PTPN13: variants seen among roughly 807,000 people sequenced by gnomAD.
PTPN13 encodes protein tyrosine phosphatase non-receptor type 13.
A neutral mutation model predicts 284.0 loss-of-function variants in PTPN13; 191 were observed. The ratio of observed to expected loss-of-function variants is 0.67; its 90% CI spans 0.60 to 0.76. PTPN13 has a LOEUF of 0.76. Among genes scored for constraint, PTPN13 ranks in the 30% least tolerant of loss-of-function variants. The pLI is 0.00. For synonymous variants in PTPN13, 986 were observed against 1,022.3 expected, an observed-to-expected ratio of 0.96 and a Z score of 0.68; for missense variants, 2,797 against 2,939.9, an observed-to-expected ratio of 0.95 and a Z score of 1.12.
At chr4:86,779,373 C>T (rs1392333183) in intron 35 of PTPN13, among the ~76,000 whole-genome samples, 1 of 150,548 alleles carries the variant, frequency 6.6e-6, no homozygotes, top group Non-Finnish European at 1.5e-5. Context: ...GCCGAGATAG[C>T]GCCACTGCAC....
intron 1 of PTPN13, among the ~76,000 whole-genome samples, chr4:86,608,419 T>C (rs2149184770): frequency 6.6e-6 from 1 of 152,266 alleles, no homozygotes; most frequent in Admixed American, 6.5e-5. Flanking sequence ...TGAGGCTCTG[T>C]TGCTGCTTTA....
intron 44 of PTPN13, among the ~76,000 whole-genome samples, chr4:86,806,609 A>C (rs1243201382): frequency 6.6e-6 from 1 of 152,188 alleles, no homozygotes; most frequent in Non-Finnish European, 1.5e-5. Flanking sequence ...CAAAATCAGA[A>C]TAGGACAAGC....
At chr4:86,806,558 T>C (rs1338366070) in intron 44 of PTPN13, among the ~76,000 whole-genome samples, 2 of 152,170 alleles carry the variant, frequency 1.3e-5, no homozygotes, top group African/African-American at 4.8e-5. Context: ...ATAAAGTATA[T>C]GGGAGTTATT....
intron 40 of PTPN13, among the ~76,000 whole-genome samples, chr4:86,789,074 G>A (rs554156811): frequency 1.3e-5 from 2 of 152,198 alleles, no homozygotes; most frequent in Non-Finnish European, 2.9e-5. Context: ...GATGAGCCTG[G>A]AACATTCAGG....
chr4:86,793,912 TGAC>T (rs988931927), intron 40 of PTPN13, among the ~76,000 whole-genome samples: 1 of 129,360 alleles, frequency 7.7e-6, no homozygotes, highest in African/African-American at 2.9e-5. Context: ...GGAAAGATCT[TGAC>T]AGCCTAACAT....
intron 1 of PTPN13, among the ~76,000 whole-genome samples, chr4:86,631,917 C>T (rs1388254167): frequency 6.6e-6 from 1 of 152,008 alleles, no homozygotes. Context: ...CCTAGTCTGT[C>T]TCTTGTGCTC....
intron 1 of PTPN13, among the ~76,000 whole-genome samples, chr4:86,630,098 AT>A (rs946535893): frequency 5.3e-5 from 8 of 152,078 alleles, no homozygotes; most frequent in South Asian, 2.1e-4. Context: ...CAATTTAATT[AT>A]TTTTTCTATT....
In PTPN13 at chr4:86,741,711, G is replaced by T. The variant is rs966131358; in HGVS notation, c.2382G>T (p.Leu794Phe). 1.3e-5 allele frequency: 21 copies of T among 1,613,534 alleles called. No individual in the cohort carries two copies. The highest frequency in any genetic ancestry group is 1.6e-5 in the Non-Finnish European group (19 of 1,179,756). Reference sequence around the variant, plus strand: ...AGAAGAAGTCACAAACAGGAATATTGCTTGGAGTCTGTTCTAAAGGTGTCC... The same window carrying T: ...AGAAGAAGTCACAAACAGGAATATTTCTTGGAGTCTGTTCTAAAGGTGTCC... ...HPEKKSQTGILLGVCSKGVLV... is the reference protein window; with the variant it reads ...HPEKKSQTGIFLGVCSKGVLV... Residue 794 changes from leucine to phenylalanine, a missense_variant, in exon 16 of 48, where the codon TTG (leucine) becomes TTT (phenylalanine). Physicochemically the swap from Leu to Phe is conservative, Grantham distance 22 (BLOSUM62 0). Coordinates refer to ENST00000411767, the MANE Select transcript of PTPN13 (RefSeq NM_080683.3).
chr4:86,623,178 G>T (rs759533400), intron 1 of PTPN13, among the ~76,000 whole-genome samples: 7 of 152,236 alleles, frequency 4.6e-5, no homozygotes, highest in South Asian at 2.1e-4. Flanking sequence ...GGGTCTGCTG[G>T]TGTAAGTCAT....
rs764669231 is a variant in PTPN13 at position 86,762,933 on chromosome 4, G to A, written c.3760G>A (p.Ala1254Thr). ...TTCTCAAGATTCCAGGACTGAGAGT[G>A]CCAGCTTGTCTCAAAGCCAGGTCAA... is the stretch of plus-strand genomic sequence containing the variant. Reference protein sequence around the residue: ...LSSQDSRTESASLSQSQVNGF... With the variant: ...LSSQDSRTESTSLSQSQVNGF... The change falls in exon 24 of 48, where the codon GCC becomes ACC. Residue 1254 changes from alanine (A) to threonine (T), a missense_variant. Coordinates refer to ENST00000411767, the MANE Select transcript of PTPN13 (RefSeq NM_080683.3). 7 of 1,613,844 alleles carry A rather than the reference G, an allele frequency of 4.3e-6. No individual in the cohort carries two copies. Among genetic ancestry groups the A allele is most frequent in the Non-Finnish European group, 5.9e-6 (7 of 1,179,838 alleles).
chr4:86,658,787 A>G (rs1726140745), intron 2 of PTPN13, among the ~76,000 whole-genome samples: 2 of 152,196 alleles, frequency 1.3e-5, no homozygotes, highest in South Asian at 4.1e-4. Flanking sequence ...TTCAAATTCT[A>G]GAAGCTTAAG....
At chr4:86,666,453 G>C in intron 2 of PTPN13, among the ~76,000 whole-genome samples, 1 of 152,026 alleles carries the variant, frequency 6.6e-6, no homozygotes, top group Non-Finnish European at 1.5e-5. Flanking sequence ...AAAAGGTTGT[G>C]GACCTGTGGT....
rs1315357858 is a variant in PTPN13 at position 86,809,895 on chromosome 4, A to G, written c.7210A>G (p.Ile2404Val). 6.8e-6 allele frequency: 11 copies of G among 1,613,894 alleles called. No homozygotes were observed. Among genetic ancestry groups the G allele is most frequent in the African/African-American group, 5.3e-5 (4 of 74,932 alleles). ...GAGACACATCCACAGATCAGGCCCA[A>G]TCATTACGCACTGCAGTGCTGGCAT... ...YMRHIHRSGP[I>V]ITHCSAGIGR... Residue 2404 changes from isoleucine to valine, a missense_variant, in exon 46 of 48, where the codon ATC becomes GTC. Transcript: ENST00000411767.
chr4:86,621,519 A>G (rs1183554410), intron 1 of PTPN13, among the ~76,000 whole-genome samples: 1 of 152,122 alleles, frequency 6.6e-6, no homozygotes, highest in Non-Finnish European at 1.5e-5. Flanking sequence ...GCAAAACTGT[A>G]CTTGAGCTTT....
At chr4:86,640,568 A>G (rs1309213117) in intron 2 of PTPN13, among the ~76,000 whole-genome samples, 1 of 152,218 alleles carries the variant, frequency 6.6e-6, no homozygotes, top group African/African-American at 2.4e-5. Flanking sequence ...CAAAGTGCCA[A>G]ATAAGTGACA....
intron 3 of PTPN13, among the ~76,000 whole-genome samples, chr4:86,674,172 T>G (rs1273252590): frequency 2.0e-5 from 3 of 152,184 alleles, no homozygotes; most frequent in Non-Finnish European, 4.4e-5. Flanking sequence ...ATGAAAAAAT[T>G]TAGGCATATA....
At chr4:86,607,298 A>G (rs1764857446) in intron 1 of PTPN13, among the ~76,000 whole-genome samples, 3 of 151,926 alleles carry the variant, frequency 2.0e-5, no homozygotes, top group Admixed American at 1.3e-4. Flanking sequence ...ATAGGATTCT[A>G]TGCCATTATA....
intron 10 of PTPN13, among the ~76,000 whole-genome samples, chr4:86,727,962 AT>A (rs1328003598): frequency 6.7e-6 from 1 of 149,402 alleles, no homozygotes; most frequent in African/African-American, 2.4e-5. Context: ...AGTGCTATAA[AT>A]TTCCCTCTAC....
In PTPN13 at chr4:86,604,548, G is replaced by A. The variant is rs138153695; in HGVS notation, c.-6+9759G>A. ...ATGTAAGATCTTTTTAGGTACAGTA[G>A]CTACATATAAGCTACTTTAAGACTA... On this transcript the variant is annotated intron_variant, in intron 1 of 47. Coordinates refer to ENST00000411767, the MANE Select transcript of PTPN13 (RefSeq NM_080683.3). Among the ~76,000 whole-genome samples the A allele has an allele frequency of 1.4e-3, 216 of 151,886 alleles. 4 individuals carry two copies. The highest frequency in any genetic ancestry group is 5.0e-3 in the African/African-American group (207 of 41,484).
Sources: gnomAD v4.1 joint callset for allele counts (sites outside exome capture counted in the v4.1 genomes callset) on GRCh38, gnomAD v4.1.1 for gene constraint, MANE v1.5 for transcripts, NCBI Gene and HGNC (gene_info 2026-07-23, HGNC 2026-07-21) for gene names.